The following HHIPL2 variants were observed in gnomAD, a reference collection of about 807,000 sequenced individuals.
The protein encoded by HHIPL2 is HHIP like 2.
A neutral mutation model predicts 61.0 loss-of-function variants in HHIPL2; 61 were observed. The ratio of observed to expected loss-of-function variants is 1.00; its 90% CI spans 0.81 to 1.24. The LOEUF is 1.24. Among genes scored for constraint, HHIPL2 ranks in the 50% most tolerant of loss-of-function variants. The pLI, the probability that HHIPL2 is intolerant of heterozygous loss-of-function variation, is 0.00. For synonymous variants in HHIPL2, 343 were observed against 357.4 expected (o/e 0.96, Z 0.45); for missense variants, 885 against 910.2 (o/e 0.97, Z 0.36).
intron 6 of HHIPL2, 31 bp from the exon 7 acceptor site, chr1:222,527,081 G>T (rs781256345): frequency 3.3e-6 from 5 of 1,520,146 alleles, no homozygotes; most frequent in Non-Finnish European, 3.6e-6. Flanking sequence ...AGGCAATAAT[G>T]GGACATCAGG....
At chr1:222,532,408 T>C (rs1659211822) in intron 5 of HHIPL2, among the ~76,000 whole-genome samples, 1 of 151,948 alleles carries the variant, frequency 6.6e-6, no homozygotes, top group African/African-American at 2.4e-5. Flanking sequence ...AGGTCAGGAG[T>C]TCACGACCAG....
At chr1:222,547,348 A>G (rs1206620772) in intron 1 of HHIPL2, among the ~76,000 whole-genome samples, 1 of 152,146 alleles carries the variant, frequency 6.6e-6, no homozygotes, top group Non-Finnish European at 1.5e-5. Context: ...GCGCTCGGTA[A>G]ATTCCACGGG....
chr1:222,522,397 G>T lies in HHIPL2; in HGVS notation c.*204C>A. ...CAGGTGCACCAGCAATCTGGGATATGGTCTCCCACAGAAGCACTGCATACA... is the reference window on the plus strand; with the variant it reads ...CAGGTGCACCAGCAATCTGGGATATTGTCTCCCACAGAAGCACTGCATACA... On this transcript the variant is annotated 3_prime_UTR_variant, in exon 9 of 9. Transcript: ENST00000343410. The T allele has an allele frequency of 1.6e-6, 1 of 608,226 alleles. No individual in the cohort carries two copies. Among genetic ancestry groups the T allele is most frequent in the Admixed American group, 2.9e-5 (1 of 34,856 alleles). The allele number at this position is 608,226 out of a possible 1,614,324, so 37.7% of individuals were successfully genotyped here. A position where few individuals can be genotyped will look rare whatever the true frequency, so the allele number is the denominator to read the frequency against.
chr1:222,541,229 T>G (rs1002780044), intron 3 of HHIPL2, among the ~76,000 whole-genome samples: 1 of 152,214 alleles, frequency 6.6e-6, no homozygotes, highest in Non-Finnish European at 1.5e-5. Context: ...CCTCAATATT[T>G]TTATTACTAG....
At position 222,522,781 on chromosome 1, in the gene HHIPL2, G is replaced by A. The variant is rs1165395972; in HGVS notation, c.1995C>T (p.Ser665=). The A allele has an allele frequency of 1.2e-6, 2 of 1,614,178 alleles. No individual in the cohort carries two copies. Among genetic ancestry groups the A allele is most frequent in the Non-Finnish European group, 1.7e-6 (2 of 1,180,042 alleles). ...TTGTAGGAGAAGCCAGCTTCTTGGA[G>A]GAGCCTTTCTCAGACAAACCCTGGG... The part of the protein sequence containing the change: ...GPAQGLSEKG[S]SKKLASPTSS... Residue 665 remains serine, a synonymous_variant, in exon 9 of 9, where the codon TCC becomes TCT. Transcript: ENST00000343410.
chr1:222,544,328 C>G, intron 1 of HHIPL2, 139 bp from the exon 2 acceptor site: 1 of 858,080 alleles, frequency 1.2e-6, no homozygotes, highest in African/African-American at 1.7e-5. Context: ...CCAACTGCTG[C>G]TAAAACTCTT....
At chr1:222,535,689 T>C (rs1365221890) in intron 5 of HHIPL2, among the ~76,000 whole-genome samples, 1 of 152,162 alleles carries the variant, frequency 6.6e-6, no homozygotes, top group Non-Finnish European at 1.5e-5. Flanking sequence ...CATCACCTTC[T>C]ATCTCTCCCA....
rs142768169 is a variant in HHIPL2 at position 222,546,047 on chromosome 1, A to AAAAT, written c.321+1673_321+1676dup. 1.0e-3 allele frequency among the ~76,000 whole-genome samples: 142 copies of AAAAT among 141,356 alleles called. 2 individuals carry two copies. Among genetic ancestry groups the AAAAT allele is most frequent in the African/African-American group, 2.0e-3 (78 of 38,098 alleles). The allele number at this position is 141,356 out of a possible 152,430, so 92.7% of individuals were successfully genotyped here. Reference sequence around the variant, plus strand: ...GTGACAGAGTAAGACTCTGTCTCAAAAAATAAATAAATAAATAAATAAATA... The same window carrying AAAAT: ...GTGACAGAGTAAGACTCTGTCTCAAAAAATAAATAAATAAATAAATAAATAAATA... On this transcript the variant is annotated intron_variant, in intron 1 of 8. Transcript: ENST00000343410.
At chr1:222,535,487 T>C (rs1659282775) in intron 5 of HHIPL2, among the ~76,000 whole-genome samples, 1 of 152,232 alleles carries the variant, frequency 6.6e-6, no homozygotes, top group African/African-American at 2.4e-5. Flanking sequence ...TATTCTTTTA[T>C]AGTTTTGGTT....
At chr1:222,528,610 C>CAAAAAAATA (rs1659119826) in intron 6 of HHIPL2, among the ~76,000 whole-genome samples, 5 of 140,932 alleles carry the variant, frequency 3.5e-5, no homozygotes, top group African/African-American at 1.3e-4. Context: ...GACTCCGTCT[C>CAAAAAAATA]AAAAAAAAAA....
intron 6 of HHIPL2, 109 bp from the exon 7 acceptor site, chr1:222,527,159 T>A: frequency 1.3e-6 from 1 of 798,226 alleles, no homozygotes; most frequent in Non-Finnish European, 2.0e-6. Context: ...TAAAATGCAG[T>A]GAGCGCCAAG....
chr1:222,542,221 T>C, intron 2 of HHIPL2, 66 bp from the exon 3 acceptor site: 1 of 1,565,372 alleles, frequency 6.4e-7, no homozygotes. Flanking sequence ...CCTCTTGAGA[T>C]ACCCAGAAAT....
rs778401488 is a variant in HHIPL2, at chr1:222,522,825, T to C, written c.1951A>G (p.Thr651Ala). 1.2e-6 allele frequency: 2 copies of C among 1,614,174 alleles called. No individual in the cohort carries two copies. The highest frequency in any genetic ancestry group is 2.2e-5 in the South Asian group (2 of 91,084). The stretch of plus-strand genomic sequence containing the variant: ...CCCTGGGCTGGGCCAGAAGCTAAGG[T>C]TGCACTGGAAGATTTTCTAGCAGCT... ...EKAARKSSSA[T>A]LASGPAQGLS... Residue 651 changes from threonine (T) to alanine (A), a missense_variant, in exon 9 of 9, where the codon ACC becomes GCC. By Grantham distance (58) the Thr-to-Ala change is moderately conservative (BLOSUM62 0). Transcript: ENST00000343410.
At chr1:222,544,215 T>C (rs779358231) in intron 1 of HHIPL2, 26 bp from the exon 2 acceptor site, 1 of 1,592,230 alleles carries the variant, frequency 6.3e-7, no homozygotes. Context: ...GAGCTCAGGC[T>C]CAGCATCAGA....
chr1:222,541,901 G>A (rs1659439744), intron 3 of HHIPL2, 111 bp downstream of exon 3: 2 of 1,110,602 alleles, frequency 1.8e-6, no homozygotes, highest in Non-Finnish European at 2.5e-6. Flanking sequence ...TGCCTCAGTG[G>A]AGTAGACTAC....
Position 222,540,009 on chromosome 1 carries a change from C to T in HHIPL2, c.1450+1G>A. 3.7e-6 allele frequency: 6 copies of T among 1,612,388 alleles called. No homozygotes were observed. Among genetic ancestry groups the T allele is most frequent in the Non-Finnish European group, 5.1e-6 (6 of 1,178,680 alleles). Reference sequence around the variant, plus strand: ...AATCACCCAGAGAGCTTCTTACTTACCCAAAGAGGCATTGTGACAAAGTTT... The same window carrying T: ...AATCACCCAGAGAGCTTCTTACTTATCCAAAGAGGCATTGTGACAAAGTTT... On this transcript the variant is annotated splice_donor_variant, in intron 4 of 8. Coordinates refer to ENST00000343410, the MANE Select transcript of HHIPL2 (RefSeq NM_024746.4). LOFTEE classifies it high-confidence loss of function.
At chr1:222,541,865 A>T in intron 3 of HHIPL2, 147 bp downstream of exon 3, 2 of 745,868 alleles carry the variant, frequency 2.7e-6, no homozygotes, top group Non-Finnish European at 4.1e-6. Context: ...AAATTTATGG[A>T]ACAGAAAACC....
chr1:222,531,605 G>A (rs1659193032), intron 6 of HHIPL2, among the ~76,000 whole-genome samples: 2 of 152,086 alleles, frequency 1.3e-5, no homozygotes, highest in South Asian at 2.1e-4. Flanking sequence ...AACGTTAGCT[G>A]GGCATGGTGG....
rs780034672 is a variant in HHIPL2, at chr1:222,522,792, C to T, written c.1984G>A (p.Glu662Lys). 2 of 1,614,212 alleles carry T rather than the reference C, an allele frequency of 1.2e-6. No homozygotes were observed. Among genetic ancestry groups the T allele is most frequent in the Non-Finnish European group, 8.5e-7 (1 of 1,180,044 alleles). The change falls in exon 9 of 9, where the codon GAG (glutamate) becomes AAG (lysine). Residue 662 changes from glutamate to lysine, a missense_variant. Glu to Lys is a moderately conservative substitution (Grantham distance 56). Coordinates refer to ENST00000343410, the MANE Select transcript of HHIPL2 (RefSeq NM_024746.4). ...LASGPAQGLS[E>K]KGSSKKLASP... ...GCCAGCTTCTTGGAGGAGCCTTTCTCAGACAAACCCTGGGCTGGGCCAGAA... is the reference window on the plus strand; with the variant it reads ...GCCAGCTTCTTGGAGGAGCCTTTCTTAGACAAACCCTGGGCTGGGCCAGAA...
Sources: allele counts gnomAD v4.1 joint callset (sites outside exome capture counted in the v4.1 genomes callset), GRCh38; gene constraint gnomAD v4.1.1; transcripts MANE v1.5; gene names NCBI Gene and HGNC (gene_info 2026-07-23, HGNC 2026-07-21).